Variants in UST observed in about 807,000 individuals in gnomAD.
The protein encoded by UST is uronyl 2-sulfotransferase, also known as chondroitin sulfate 2-O-sulfotransferase.
UST carries 21 observed loss-of-function variants against 45.6 expected under a neutral mutation model. The observed-to-expected ratio is 0.46, with a 90% CI of 0.33 to 0.66. The LOEUF is 0.66. Among genes scored for constraint, UST ranks in the 30% least tolerant of loss-of-function variants. UST has a pLI of 0.02. For synonymous variants in UST, 215 were observed against 200.6 expected (o/e 1.07, Z -0.61); for missense variants, 463 against 512.4 (o/e 0.90, Z 0.93).
chr6:148,870,112 A>T (rs1001302448), intron 1 of UST, among the ~76,000 whole-genome samples: 14 of 148,340 alleles, frequency 9.4e-5, no homozygotes, highest in African/African-American at 3.3e-4. Flanking sequence ...TTTCACACAC[A>T]CACACACACA....
chr6:149,058,943 C>CGGTA (rs1776613140), intron 7 of UST, among the ~76,000 whole-genome samples: 1 of 152,154 alleles, frequency 6.6e-6, no homozygotes, highest in Non-Finnish European at 1.5e-5. Flanking sequence ...GTAGCACATA[C>CGGTA]TTTCAAACAA....
chr6:148,773,025 G>A (rs1562563219), intron 1 of UST, among the ~76,000 whole-genome samples: 1 of 152,008 alleles, frequency 6.6e-6, no homozygotes. Flanking sequence ...GTGGGTACGT[G>A]ATCTCACAAA....
At chr6:148,917,792 C>T (rs7748648) in intron 2 of UST, among the ~76,000 whole-genome samples, 100,072 of 150,356 alleles carry the variant, frequency 0.67, 33,193 homozygotes, top group East Asian at 0.74. Context: ...CATGAAGGAG[C>T]GGCAGAAAGG....
intron 1 of UST, among the ~76,000 whole-genome samples, chr6:148,873,524 C>A (rs1237514039): frequency 6.6e-6 from 1 of 152,172 alleles, no homozygotes; most frequent in Non-Finnish European, 1.5e-5. Context: ...TTGCTTAGGC[C>A]ACCCCTGATC....
At chr6:148,770,350 A>C (rs1047773684) in intron 1 of UST, among the ~76,000 whole-genome samples, 6 of 150,668 alleles carry the variant, frequency 4.0e-5, no homozygotes, top group Non-Finnish European at 8.8e-5. Context: ...AGATTCTAGA[A>C]AGAAGAGCAC....
At chr6:148,877,461 G>A (rs1177730014) in intron 1 of UST, among the ~76,000 whole-genome samples, 1 of 78,970 alleles carries the variant, frequency 1.3e-5, no homozygotes, top group African/African-American at 5.5e-5. Flanking sequence ...GGGGGATCGT[G>A]TATGAGTGTG....
At chr6:148,982,000 T>C (rs548458708) in intron 5 of UST, among the ~76,000 whole-genome samples, 2 of 152,356 alleles carry the variant, frequency 1.3e-5, no homozygotes, top group South Asian at 4.1e-4. Flanking sequence ...TGAGGGCTTC[T>C]GTCTGCTTCT....
chr6:148,768,159 A>G (rs983206969), intron 1 of UST, among the ~76,000 whole-genome samples: 1 of 152,192 alleles, frequency 6.6e-6, no homozygotes, highest in Non-Finnish European at 1.5e-5. Flanking sequence ...ACTGGATGCA[A>G]TCTTTTAAAA....
At chr6:148,889,367 GACTCA>G (rs1223570498) in intron 2 of UST, among the ~76,000 whole-genome samples, 10 of 152,320 alleles carry the variant, frequency 6.6e-5, no homozygotes, top group South Asian at 2.1e-4. Context: ...ATGTAATGAT[GACTCA>G]CCATTGTAAG....
chr6:148,859,935 C>A (rs1008080328), intron 1 of UST, among the ~76,000 whole-genome samples: 14 of 152,194 alleles, frequency 9.2e-5, no homozygotes, highest in Non-Finnish European at 1.8e-4. Context: ...AATGATGCCT[C>A]CAGCTTTGTT....
chr6:148,774,341 A>G (rs557124763), intron 1 of UST, among the ~76,000 whole-genome samples: 1 of 151,088 alleles, frequency 6.6e-6, no homozygotes, highest in African/African-American at 2.4e-5. Flanking sequence ...AAATTTACTT[A>G]TAGACAAGGC....
At chr6:148,754,213 G>T (rs1367512495) in intron 1 of UST, among the ~76,000 whole-genome samples, 2 of 152,044 alleles carry the variant, frequency 1.3e-5, no homozygotes, top group Non-Finnish European at 2.9e-5. Flanking sequence ...AGCCAGGATG[G>T]TCTCGATCTC....
chr6:148,769,231 A>G (rs1776374945), intron 1 of UST, among the ~76,000 whole-genome samples: 1 of 152,244 alleles, frequency 6.6e-6, no homozygotes, highest in Non-Finnish European at 1.5e-5. Flanking sequence ...CACTATTTGT[A>G]TAAGCAGCTA....
intron 1 of UST, among the ~76,000 whole-genome samples, chr6:148,854,739 C>T (rs1778169987): frequency 6.6e-6 from 1 of 152,046 alleles, no homozygotes; most frequent in Non-Finnish European, 1.5e-5. Context: ...GGGGTGAGAT[C>T]ATGGTGTAAT....
rs1776818418 is a variant in UST at position 148,790,271 on chromosome 6, AC to A, written c.247+42595del. Reference sequence around the variant, plus strand: ...CACTCCGTGCTCTTCTGTGCCTCCAACTGGAATGAAAGCTTCTGGGAGTAGA... The same window carrying A: ...CACTCCGTGCTCTTCTGTGCCTCCAATGGAATGAAAGCTTCTGGGAGTAGA... On this transcript the variant is annotated intron_variant, in intron 1 of 7. Transcript: ENST00000367463. This position sits in a 1 kb window ranked among gnomAD's most constrained non-coding sequence, Gnocchi z 4.2. Among the ~76,000 whole-genome samples the A allele has an allele frequency of 4.6e-5, 7 of 151,876 alleles. No individual in the cohort carries two copies. The South Asian group carries it at 1.5e-3, about 32-fold the overall frequency.
intron 7 of UST, among the ~76,000 whole-genome samples, chr6:149,045,296 A>G (rs1034065741): frequency 7.9e-5 from 12 of 152,284 alleles, no homozygotes; most frequent in South Asian, 6.2e-4. Context: ...TTATTTTTCC[A>G]TGAGTTCACC....
intron 1 of UST, among the ~76,000 whole-genome samples, chr6:148,832,795 T>C (rs746579338): frequency 2.0e-4 from 31 of 152,000 alleles, no homozygotes; most frequent in Non-Finnish European, 3.8e-4. Context: ...GTCAGATGAG[T>C]TTTAGTTGAT....
intron 4 of UST, among the ~76,000 whole-genome samples, chr6:148,959,424 C>T (rs959525311): frequency 2.0e-5 from 3 of 152,188 alleles, no homozygotes; most frequent in African/African-American, 4.8e-5. Flanking sequence ...CAGTTAACAC[C>T]GTCTCTGCCT....
At chr6:149,022,944 T>G (rs1233938918) in intron 7 of UST, among the ~76,000 whole-genome samples, 1 of 152,244 alleles carries the variant, frequency 6.6e-6, no homozygotes, top group Admixed American at 6.5e-5. Context: ...TTTATAGAAT[T>G]TTAATGTAAA....
Sources: gnomAD v4.1 joint callset for allele counts (sites outside exome capture counted in the v4.1 genomes callset) on GRCh38, gnomAD v4.1.1 for gene constraint, Gnocchi (gnomAD v3.1) non-coding constraint, MANE v1.5 for transcripts, NCBI Gene and HGNC (gene_info 2026-07-23, HGNC 2026-07-21) for gene names.